The following RBMS3 variants were observed in gnomAD, a reference collection of about 807,000 sequenced individuals.
RBMS3 encodes the protein RNA-binding motif, single-stranded-interacting protein 3.
In RBMS3, 27 loss-of-function variants were observed where a neutral mutation model predicts 66.8. That is an observed-to-expected ratio of 0.40 (90% confidence interval 0.30 to 0.56). The LOEUF (loss-of-function observed/expected upper bound fraction) is 0.56, where lower values mean the gene tolerates loss of function less well. Ranked by LOEUF, RBMS3 falls within the 20% of genes least tolerant of loss-of-function variation. The probability of loss-of-function intolerance (pLI) is 0.40; values close to 1 mark genes in which losing one functional copy is unlikely to be tolerated. For synonymous variants in RBMS3, 188 were observed against 183.0 expected (o/e 1.03, Z -0.22); for missense variants, 513 against 549.5 (o/e 0.93, Z 0.66).
chr3:29,725,114 C>T (rs1329096420), intron 4 of RBMS3, among the ~76,000 whole-genome samples: 4 of 152,138 alleles, frequency 2.6e-5, no homozygotes, highest in East Asian at 1.9e-4. Flanking sequence ...GTTGTGACCA[C>T]GAGTACCTCC....
intron 2 of RBMS3, among the ~76,000 whole-genome samples, chr3:29,466,439 C>G (rs2042546114): frequency 6.6e-6 from 1 of 152,052 alleles, no homozygotes; most frequent in Admixed American, 6.6e-5. Context: ...ATTTTTTTAG[C>G]TCCTTCAGAA....
At chr3:29,622,506 A>G (rs2048902210) in intron 4 of RBMS3, among the ~76,000 whole-genome samples, 1 of 152,248 alleles carries the variant, frequency 6.6e-6, no homozygotes, top group African/African-American at 2.4e-5. Context: ...CTTACATAAT[A>G]TACTCATGAG....
At chr3:29,976,997 A>G (rs970516889) in intron 12 of RBMS3, among the ~76,000 whole-genome samples, 4 of 152,102 alleles carry the variant, frequency 2.6e-5, no homozygotes, top group Non-Finnish European at 4.4e-5. Flanking sequence ...AGTAACTCAC[A>G]TGGCATGCTC....
chr3:29,618,996 G>T (rs531350867), intron 4 of RBMS3, among the ~76,000 whole-genome samples: 1 of 152,204 alleles, frequency 6.6e-6, no homozygotes, highest in East Asian at 1.9e-4. Flanking sequence ...CTTCTCCAGT[G>T]TGTGAGAGAG....
chr3:29,657,893 A>C (rs551342794), intron 4 of RBMS3, among the ~76,000 whole-genome samples: 56 of 152,224 alleles, frequency 3.7e-4, no homozygotes, highest in Non-Finnish European at 5.1e-4. Context: ...AGCCATGAAA[A>C]GCATAGGTTT....
intron 4 of RBMS3, among the ~76,000 whole-genome samples, chr3:29,667,312 G>A (rs2050807339): frequency 1.3e-5 from 2 of 152,056 alleles, no homozygotes. Flanking sequence ...TAATTCTCGG[G>A]CATTCTCTAA....
intron 6 of RBMS3, among the ~76,000 whole-genome samples, chr3:29,819,343 C>A (rs905659358): frequency 5.3e-5 from 8 of 152,078 alleles, no homozygotes; most frequent in African/African-American, 1.9e-4. Context: ...TAAAAAGCAG[C>A]CATAAACAAG....
chr3:29,922,953 A>G (rs565695155), intron 10 of RBMS3, among the ~76,000 whole-genome samples: 29 of 152,232 alleles, frequency 1.9e-4, no homozygotes, highest in Non-Finnish European at 3.5e-4. Flanking sequence ...TGATTGATGC[A>G]TACTCAAACT....
chr3:29,305,979 G>A (rs1257500755), intron 1 of RBMS3, among the ~76,000 whole-genome samples: 1 of 151,956 alleles, frequency 6.6e-6, no homozygotes, highest in Non-Finnish European at 1.5e-5. Flanking sequence ...ACAGACCAGG[G>A]AGCATTCGTT....
intron 5 of RBMS3, among the ~76,000 whole-genome samples, chr3:29,756,642 A>G (rs1353019618): frequency 6.6e-6 from 1 of 152,096 alleles, no homozygotes; most frequent in Non-Finnish European, 1.5e-5. Context: ...TAGGAGCTAC[A>G]ATTCAAGATG....
intron 6 of RBMS3, among the ~76,000 whole-genome samples, chr3:29,788,070 A>C (rs1298006892): frequency 6.6e-6 from 1 of 152,108 alleles, no homozygotes; most frequent in African/African-American, 2.4e-5. Flanking sequence ...AGCTATTGTC[A>C]ACATTCCCTG....
chr3:29,915,628 A>G (rs17024620), intron 10 of RBMS3, among the ~76,000 whole-genome samples: 3,239 of 152,090 alleles, frequency 0.021, 122 homozygotes, highest in African/African-American at 0.075. Context: ...TTTTCTAAAT[A>G]CAAAGTTCAA....
chr3:29,437,753 C>G (rs1017864285), intron 2 of RBMS3, among the ~76,000 whole-genome samples: 1 of 152,138 alleles, frequency 6.6e-6, no homozygotes, highest in African/African-American at 2.4e-5. Flanking sequence ...GACTTTTTGC[C>G]TCTTAACGTT....
chr3:29,747,538 C>CA (rs200352957), intron 5 of RBMS3, among the ~76,000 whole-genome samples: 63 of 151,920 alleles, frequency 4.1e-4, no homozygotes, highest in Middle Eastern at 3.4e-3. Context: ...CATACACCCA[C>CA]AAAAAAAATC....
chr3:29,476,013 G>A lies in RBMS3; in HGVS notation c.249-12428G>A, dbSNP rs539765709. Among the ~76,000 whole-genome samples, 5 of 152,200 alleles carry A rather than the reference G, an allele frequency of 3.3e-5. No individual in the cohort carries two copies. The East Asian group carries it at 9.7e-4, about 29-fold the overall frequency. On this transcript the variant is annotated intron_variant, in intron 2 of 14. Coordinates refer to ENST00000383767, the MANE Select transcript of RBMS3 (RefSeq NM_001003793.3). ...TGGCACAAACAAAAAGGCATCCTAG[G>A]TGTGTTCTTTGTCATGTAAAACATC...
intron 14 of RBMS3, among the ~76,000 whole-genome samples, chr3:29,993,616 C>T (rs1000686898): frequency 3.9e-5 from 6 of 152,128 alleles, no homozygotes; most frequent in African/African-American, 2.4e-5. Flanking sequence ...AAGATTGAAC[C>T]TCTCATGAAT....
chr3:29,501,051 A>G (rs1194807087), intron 3 of RBMS3, among the ~76,000 whole-genome samples: 2 of 152,172 alleles, frequency 1.3e-5, no homozygotes, highest in African/African-American at 4.8e-5. Context: ...GTCCTGGGGA[A>G]GTTGTTCTGC....
At chr3:29,575,943 G>T (rs1291524624) in intron 3 of RBMS3, among the ~76,000 whole-genome samples, 2 of 151,960 alleles carry the variant, frequency 1.3e-5, no homozygotes, top group Non-Finnish European at 1.5e-5. Flanking sequence ...TCCTCAAACA[G>T]CTATTTTGAA....
intron 12 of RBMS3, among the ~76,000 whole-genome samples, chr3:29,961,775 T>G (rs1479486765): frequency 1.3e-5 from 2 of 151,630 alleles, no homozygotes; most frequent in African/African-American, 4.8e-5. Context: ...CCCCCATGAT[T>G]CAATTACTTC....
Sources: gnomAD v4.1 joint callset for allele counts (sites outside exome capture counted in the v4.1 genomes callset) on GRCh38, gnomAD v4.1.1 for gene constraint, MANE v1.5 for transcripts, NCBI Gene and HGNC (gene_info 2026-07-23, HGNC 2026-07-21) for gene names.